The following ANO3 variants were observed in gnomAD, a reference collection of about 807,000 sequenced individuals.
The protein encoded by ANO3 is anoctamin 3, also known as anoctamin-3.
ANO3 carries 99 observed loss-of-function variants against 144.8 expected under a neutral mutation model. The ratio of observed to expected loss-of-function variants is 0.68; its 90% CI spans 0.58 to 0.81. The LOEUF (loss-of-function observed/expected upper bound fraction) is 0.81. ANO3 is among the 30% of genes least tolerant of loss of function. ANO3 has a pLI of 0.00. For synonymous variants in ANO3, 414 were observed against 392.6 expected, an observed-to-expected ratio of 1.05 and a Z score of -0.64; for missense variants, 905 against 1,202.2, an observed-to-expected ratio of 0.75 and a Z score of 3.66.
chr11:26,264,042 C>T (rs910366953), intron 1 of ANO3, among the ~76,000 whole-genome samples: 3 of 152,178 alleles, frequency 2.0e-5, no homozygotes, highest in African/African-American at 7.2e-5. Flanking sequence ...AAATTAAATA[C>T]TCTTCATTCT....
At chr11:26,405,797 A>C (rs1018809057) in intron 1 of ANO3, among the ~76,000 whole-genome samples, 4 of 151,854 alleles carry the variant, frequency 2.6e-5, no homozygotes, top group Non-Finnish European at 5.9e-5. Flanking sequence ...AGATTCTCGG[A>C]CCCTTCCCTG....
At chr11:26,624,563 G>T in intron 18 of ANO3, 65 bp downstream of exon 18, 2 of 1,173,432 alleles carry the variant, frequency 1.7e-6, no homozygotes, top group Non-Finnish European at 2.5e-6. Flanking sequence ...TCAGTCTGTA[G>T]TTACTTTATA....
chr11:26,303,255 C>T (rs1051639416), intron 1 of ANO3, among the ~76,000 whole-genome samples: 4 of 152,176 alleles, frequency 2.6e-5, no homozygotes, highest in African/African-American at 7.2e-5. Flanking sequence ...ATGTTCATCA[C>T]AGCGCTATTG....
At chr11:26,261,100 G>T (rs1038322534) in intron 1 of ANO3, among the ~76,000 whole-genome samples, 1 of 152,114 alleles carries the variant, frequency 6.6e-6, no homozygotes, top group Admixed American at 6.5e-5. Context: ...CAAGATGAGA[G>T]AATTTAACTT....
At chr11:26,565,078 G>T in intron 14 of ANO3, 9 of 1,297,008 alleles carry the variant, frequency 6.9e-6, no homozygotes, top group Non-Finnish European at 9.4e-6. Context: ...TGTTTTTCCA[G>T]CATGGTGATT....
At chr11:26,613,713 G>T (rs1269082894) in intron 17 of ANO3, among the ~76,000 whole-genome samples, 2 of 152,202 alleles carry the variant, frequency 1.3e-5, no homozygotes, top group Non-Finnish European at 2.9e-5. Context: ...TCTCTAGTGT[G>T]ATCTTCATGG....
chr11:26,334,085 C>T (rs1019760514), intron 1 of ANO3, among the ~76,000 whole-genome samples: 3 of 152,156 alleles, frequency 2.0e-5, no homozygotes, highest in South Asian at 2.1e-4. Context: ...TAGGTCCGAC[C>T]GTCATTGCTC....
chr11:26,657,159 C>A lies in ANO3; in HGVS notation c.2763+678C>A, dbSNP rs79483293. 1.4e-4 allele frequency among the ~76,000 whole-genome samples: 22 copies of A among 152,154 alleles called. No individual in the cohort carries two copies. The East Asian group carries it at 4.1e-3, about 28-fold the overall frequency. On this transcript the variant is annotated intron_variant, in intron 26 of 26. Transcript: ENST00000256737. The stretch of plus-strand genomic sequence containing the variant: ...CTTTAAATGAATCTGTTTTATATGG[C>A]CACACCAATTAATTCAGAGAAAAGG...
intron 1 of ANO3, among the ~76,000 whole-genome samples, chr11:26,348,362 C>T (rs1177495930): frequency 6.6e-6 from 1 of 152,146 alleles, no homozygotes; most frequent in Admixed American, 6.5e-5. Flanking sequence ...CCATGAAAGG[C>T]ATATGACCTT....
intron 1 of ANO3, among the ~76,000 whole-genome samples, chr11:26,212,583 G>C (rs1851956591): frequency 6.6e-6 from 1 of 151,908 alleles, no homozygotes; most frequent in Admixed American, 6.6e-5. Context: ...GACTAAACCA[G>C]GAAGAAGCTG....
chr11:26,639,098 C>G (rs1853060842), intron 20 of ANO3, 46 bp from the exon 21 acceptor site: 10 of 1,337,270 alleles, frequency 7.5e-6, no homozygotes, highest in Non-Finnish European at 1.1e-5. Context: ...TCTGAGCCTA[C>G]TGGGAAGAAG....
intron 1 of ANO3, among the ~76,000 whole-genome samples, chr11:26,354,884 T>A (rs571608842): frequency 2.0e-4 from 30 of 152,162 alleles, no homozygotes; most frequent in East Asian, 3.9e-4. Context: ...TTTTTTTTTT[T>A]AAATTTCTTA....
At position 26,534,513 on chromosome 11, in the gene ANO3, C is replaced by T; in HGVS notation, c.927C>T (p.Val309=). 1 of 1,613,000 alleles carries T rather than the reference C, an allele frequency of 6.2e-7. No individual in the cohort carries two copies. Among genetic ancestry groups the T allele is most frequent in the Middle Eastern group, 1.7e-4 (1 of 6,014 alleles). ...GCAATGCTACTCGAAGCAGAATAGT[C>T]TATCACATGCTGGAACGCACCAAAT... ...FFSNATRSRI[V]YHMLERTKYE... is the part of the protein sequence containing the mutation. The change falls in exon 9 of 27, where the codon GTC becomes GTT. Residue 309 remains valine (V), a synonymous_variant. Coordinates refer to ENST00000256737, the MANE Select transcript of ANO3 (RefSeq NM_031418.4).
intron 1 of ANO3, among the ~76,000 whole-genome samples, chr11:26,367,258 C>G (rs1297094013): frequency 6.6e-6 from 1 of 152,204 alleles, no homozygotes; most frequent in East Asian, 1.9e-4. Context: ...CTTTTATGGG[C>G]TCTTCTTCCA....
intron 1 of ANO3, among the ~76,000 whole-genome samples, chr11:26,254,613 T>G (rs1408728046): frequency 6.6e-6 from 1 of 152,184 alleles, no homozygotes. Flanking sequence ...CATTTTGTTA[T>G]GCTATTTTAA....
chr11:26,629,076 T>C (rs1262107018), intron 18 of ANO3, among the ~76,000 whole-genome samples: 1 of 152,116 alleles, frequency 6.6e-6, no homozygotes, highest in African/African-American at 2.4e-5. Context: ...GTATGTATAC[T>C]TGGAGGAGTA....
At chr11:26,262,504 T>C (rs1251768974) in intron 1 of ANO3, among the ~76,000 whole-genome samples, 1 of 152,128 alleles carries the variant, frequency 6.6e-6, no homozygotes, top group Non-Finnish European at 1.5e-5. Context: ...TGACAATCAT[T>C]GACATTATAT....
intron 14 of ANO3, chr11:26,565,076 C>T: frequency 7.8e-7 from 1 of 1,285,170 alleles, no homozygotes; most frequent in Non-Finnish European, 1.0e-6. Context: ...TCTGTTTTTC[C>T]AGCATGGTGA....
At chr11:26,608,461 G>T (rs1851997863) in intron 17 of ANO3, among the ~76,000 whole-genome samples, 1 of 152,144 alleles carries the variant, frequency 6.6e-6, no homozygotes, top group Non-Finnish European at 1.5e-5. Context: ...CACTTTTACT[G>T]TCCCTTGGTG....
Sources: allele counts gnomAD v4.1 joint callset (sites outside exome capture counted in the v4.1 genomes callset), GRCh38; gene constraint gnomAD v4.1.1; transcripts MANE v1.5; gene names NCBI Gene and HGNC (gene_info 2026-07-23, HGNC 2026-07-21).